ZFYVE9: variants seen among roughly 807,000 people sequenced by gnomAD.
ZFYVE9 encodes zinc finger FYVE domain-containing protein 9.
In ZFYVE9, 43 loss-of-function variants were observed where a neutral mutation model predicts 126.7. The observed-to-expected ratio is 0.34, with a 90% CI of 0.27 to 0.44. The LOEUF (loss-of-function observed/expected upper bound fraction) is 0.44, where lower values mean the gene tolerates loss of function less well. Among genes scored for constraint, ZFYVE9 ranks in the 20% least tolerant of loss-of-function variants. ZFYVE9 has a pLI of 1.00. For missense variants in ZFYVE9, 1,476 were observed against 1,697.0 expected, an observed-to-expected ratio of 0.87 and a Z score of 2.29; for synonymous variants, 521 against 597.4, an observed-to-expected ratio of 0.87 and a Z score of 1.87.
intron 13 of ZFYVE9, among the ~76,000 whole-genome samples, chr1:52,314,312 A>G (rs1372971380): frequency 8.5e-5 from 13 of 152,246 alleles, no homozygotes; most frequent in Non-Finnish European, 2.9e-5. Context: ...GTTGCAAGAC[A>G]GTGCAGCAAA....
chr1:52,170,003 T>C (rs1644550041), intron 1 of ZFYVE9, among the ~76,000 whole-genome samples: 1 of 152,228 alleles, frequency 6.6e-6, no homozygotes, highest in South Asian at 2.1e-4. Context: ...GAATTCGTTT[T>C]GACCTTTTGC....
intron 13 of ZFYVE9, among the ~76,000 whole-genome samples, chr1:52,304,610 T>C (rs1203075820): frequency 6.6e-6 from 1 of 152,130 alleles, no homozygotes; most frequent in Admixed American, 6.5e-5. Context: ...CCTTTTTTTT[T>C]CCTTTTTCAT....
chr1:52,238,326 T>A lies in ZFYVE9; in HGVS notation c.909T>A (p.Asp303Glu), dbSNP rs1262610905. 1.2e-6 allele frequency: 2 copies of A among 1,613,516 alleles called. No homozygotes were observed. The highest frequency in any genetic ancestry group is 1.3e-5 in the African/African-American group (1 of 74,862). Residue 303 changes from aspartate to glutamate, a missense_variant, in exon 4 of 19, where the codon GAT becomes GAA. Physicochemically the swap from Asp to Glu is conservative, Grantham distance 45. Transcript: ENST00000287727. ...GCAAAATCAGCTCTCCTAGGACAGATCTAGGGAGTCCAAATTCCTTTTCCC... is the reference window on the plus strand; with the variant it reads ...GCAAAATCAGCTCTCCTAGGACAGAACTAGGGAGTCCAAATTCCTTTTCCC... ...LTGKISSPRT[D>E]LGSPNSFSHM... is the part of the protein sequence containing the mutation.
chr1:52,160,432 G>T, intron 1 of ZFYVE9: 1 of 948,416 alleles, frequency 1.1e-6, no homozygotes, highest in African/African-American at 1.6e-5. Flanking sequence ...ATCCTCCAAA[G>T]GCAGTGCCTT....
chr1:52,147,298 G>A (rs1049831143), intron 1 of ZFYVE9, among the ~76,000 whole-genome samples: 3 of 152,138 alleles, frequency 2.0e-5, no homozygotes, highest in Non-Finnish European at 4.4e-5. Flanking sequence ...AGTTAGAACA[G>A]TATTATATAT....
intron 1 of ZFYVE9, among the ~76,000 whole-genome samples, chr1:52,156,566 G>T (rs980812376): frequency 2.6e-5 from 4 of 152,198 alleles, no homozygotes; most frequent in Non-Finnish European, 5.9e-5. Context: ...AAGACCCGGG[G>T]TGGGAGTTAC....
intron 13 of ZFYVE9, among the ~76,000 whole-genome samples, chr1:52,329,797 C>T (rs1233418957): frequency 6.6e-6 from 1 of 152,048 alleles, no homozygotes; most frequent in Non-Finnish European, 1.5e-5. Context: ...CCCAGCTACT[C>T]GGGAGGCTGA....
chr1:52,235,388 C>T (rs989815284), intron 3 of ZFYVE9, among the ~76,000 whole-genome samples: 12 of 152,240 alleles, frequency 7.9e-5, no homozygotes, highest in African/African-American at 1.4e-4. Context: ...TTTTAATACC[C>T]GATCATTTCT....
chr1:52,340,246 C>G lies in ZFYVE9; in HGVS notation c.3939+15C>G. The G allele has an allele frequency of 6.2e-7, 1 of 1,600,522 alleles. No individual in the cohort carries two copies. The highest frequency in any genetic ancestry group is 8.6e-7 in the Non-Finnish European group (1 of 1,168,574). On this transcript the variant is annotated intron_variant, in intron 17 of 18. Transcript: ENST00000287727. The stretch of plus-strand genomic sequence containing the variant: ...GATGGACAGAGGTAAGGAAATGAAA[C>G]TTGGCATACTTGACCCACTTTGAGC...
intron 4 of ZFYVE9, among the ~76,000 whole-genome samples, chr1:52,251,370 T>C (rs1645444939): frequency 6.6e-6 from 1 of 152,204 alleles, no homozygotes; most frequent in Non-Finnish European, 1.5e-5. Flanking sequence ...AATTTACTTC[T>C]GTTACTAGGG....
intron 3 of ZFYVE9, among the ~76,000 whole-genome samples, chr1:52,234,935 A>G (rs1441365936): frequency 6.6e-6 from 1 of 152,212 alleles, no homozygotes; most frequent in Non-Finnish European, 1.5e-5. Flanking sequence ...TGTGAATACT[A>G]TGCTTCTAGA....
intron 1 of ZFYVE9, among the ~76,000 whole-genome samples, chr1:52,176,029 T>C (rs1644624372): frequency 6.6e-6 from 1 of 152,248 alleles, no homozygotes; most frequent in South Asian, 2.1e-4. Context: ...GTTTGTTCCA[T>C]TGCTGGTGAG....
chr1:52,341,023 C>G (rs1646432898), intron 17 of ZFYVE9, among the ~76,000 whole-genome samples: 1 of 151,672 alleles, frequency 6.6e-6, no homozygotes, highest in Admixed American at 6.6e-5. Context: ...GAGTTTGAGA[C>G]CAGCCCTACC....
At chr1:52,297,776 G>A (rs774003261) in intron 12 of ZFYVE9, among the ~76,000 whole-genome samples, 1 of 151,564 alleles carries the variant, frequency 6.6e-6, no homozygotes, top group Non-Finnish European at 1.5e-5. Flanking sequence ...GGGCTGGAGT[G>A]CAGTGGCACG....
intron 1 of ZFYVE9, among the ~76,000 whole-genome samples, chr1:52,181,009 C>A (rs922256917): frequency 1.1e-4 from 17 of 148,672 alleles, no homozygotes; most frequent in Non-Finnish European, 1.5e-4. Flanking sequence ...TAGAAATAAT[C>A]ATTGCTGGAA....
intron 1 of ZFYVE9, among the ~76,000 whole-genome samples, chr1:52,183,913 G>A (rs1644739155): frequency 2.7e-5 from 4 of 150,718 alleles, no homozygotes; most frequent in Non-Finnish European, 5.9e-5. Flanking sequence ...GGAGTGCAGT[G>A]GCATGATCCT....
intron 1 of ZFYVE9, among the ~76,000 whole-genome samples, chr1:52,188,916 CTTATT>C (rs1051414862): frequency 5.3e-5 from 8 of 151,778 alleles, no homozygotes; most frequent in South Asian, 2.1e-4. Context: ...TCACCACTGT[CTTATT>C]TTATTTTATT....
At chr1:52,170,373 G>A (rs1392190511) in intron 1 of ZFYVE9, among the ~76,000 whole-genome samples, 1 of 151,864 alleles carries the variant, frequency 6.6e-6, no homozygotes, top group Non-Finnish European at 1.5e-5. Flanking sequence ...TCTGGCTAAA[G>A]GTTTGTCAAT....
In ZFYVE9 at chr1:52,238,127, T is replaced by C. The variant is rs1395391861; in HGVS notation, c.710T>C (p.Leu237Pro). The C allele has an allele frequency of 1.9e-6, 3 of 1,614,108 alleles. No individual in the cohort carries two copies. Among genetic ancestry groups the C allele is most frequent in the Non-Finnish European group, 2.5e-6 (3 of 1,179,970 alleles). Residue 237 changes from leucine to proline, a missense_variant, in exon 4 of 19, where the codon CTA becomes CCA. This residue lies in a region of ZFYVE9 where 807 missense variants were observed against 794.6 expected (regional missense o/e 1.02). Coordinates refer to ENST00000287727, the MANE Select transcript of ZFYVE9 (RefSeq NM_004799.4). ...NHLCPTSSDS[L>P]ASVCSPSQLK... ...CTGTGTCCTACTTCATCTGATAGTC[T>C]AGCCAGTGTCTGTTCCCCTTCACAA...
Sources: gnomAD v4.1 joint callset for allele counts (sites outside exome capture counted in the v4.1 genomes callset) on GRCh38, gnomAD v4.1.1 for gene constraint, gnomAD v4.1.1 regional missense constraint, MANE v1.5 for transcripts, NCBI Gene and HGNC (gene_info 2026-07-23, HGNC 2026-07-21) for gene names.